The following HIBADH variants were observed in gnomAD, a reference collection of about 807,000 sequenced individuals.
HIBADH encodes 3-hydroxyisobutyrate dehydrogenase.
Under a neutral mutation model 36.1 loss-of-function variants are expected in HIBADH, and 25 were observed. The observed-to-expected ratio is 0.69, with a 90% CI of 0.50 to 0.97. The LOEUF (loss-of-function observed/expected upper bound fraction) is 0.97, where lower values mean the gene tolerates loss of function less well. Among genes scored for constraint, HIBADH ranks in the 50% least tolerant of loss-of-function variants. The probability of loss-of-function intolerance (pLI) is 0.00; values close to 1 mark genes in which losing one functional copy is unlikely to be tolerated. For synonymous variants in HIBADH, 160 were observed against 149.5 expected, an observed-to-expected ratio of 1.07 and a Z score of -0.51; for missense variants, 421 against 418.0, an observed-to-expected ratio of 1.01 and a Z score of -0.06.
chr7:27,638,614 G>A (rs1364757065), intron 2 of HIBADH, among the ~76,000 whole-genome samples: 1 of 152,126 alleles, frequency 6.6e-6, no homozygotes, highest in Non-Finnish European at 1.5e-5. Context: ...AAACTAAACA[G>A]CTTCTGCACA....
intron 5 of HIBADH, among the ~76,000 whole-genome samples, chr7:27,540,802 G>T (rs1160230191): frequency 6.6e-6 from 1 of 152,128 alleles, no homozygotes; most frequent in African/African-American, 2.4e-5. Flanking sequence ...ATTCTGGGTG[G>T]CCAGGGGTAC....
intron 4 of HIBADH, among the ~76,000 whole-genome samples, chr7:27,623,722 A>G (rs11763449): frequency 0.72 from 108,973 of 152,158 alleles, 39,154 homozygotes; most frequent in East Asian, 0.94. Context: ...AAAAACTACA[A>G]AACACTGATG....
intron 4 of HIBADH, among the ~76,000 whole-genome samples, chr7:27,554,049 G>A (rs1260527685): frequency 2.6e-5 from 4 of 152,050 alleles, no homozygotes; most frequent in Admixed American, 6.6e-5. Context: ...ACAGTGGTGC[G>A]ATCCCAGCTC....
chr7:27,606,137 A>T (rs1785223673), intron 4 of HIBADH, among the ~76,000 whole-genome samples: 1 of 152,168 alleles, frequency 6.6e-6, no homozygotes, highest in South Asian at 2.1e-4. Flanking sequence ...TATACCAAAG[A>T]TTTACTTTTT....
At position 27,604,471 on chromosome 7, in the gene HIBADH, T is replaced by C. The variant is rs1785185782; in HGVS notation, c.484+24900A>G. Among the ~76,000 whole-genome samples the C allele has an allele frequency of 3.3e-5, 5 of 151,952 alleles. No individual in the cohort carries two copies. The South Asian group carries it at 1.0e-3, about 32-fold the overall frequency. On this transcript the variant is annotated intron_variant, in intron 4 of 7. Transcript: ENST00000265395. ...TGGCTACATAGCTCACAAAAGACCC[T>C]GGTGAGAAATTCTAACACAACAAGC...
intron 4 of HIBADH, among the ~76,000 whole-genome samples, chr7:27,554,345 A>G (rs1488199135): frequency 1.3e-5 from 2 of 152,214 alleles, no homozygotes; most frequent in Non-Finnish European, 2.9e-5. Context: ...TGTAATCATT[A>G]TGTCCTTCTA....
At chr7:27,585,276 T>C (rs1784843989) in intron 4 of HIBADH, among the ~76,000 whole-genome samples, 1 of 151,054 alleles carries the variant, frequency 6.6e-6, no homozygotes, top group Non-Finnish European at 1.5e-5. Flanking sequence ...TGTATGTGTA[T>C]GTATATGCAC....
chr7:27,582,808 C>T (rs544068358), intron 4 of HIBADH, among the ~76,000 whole-genome samples: 34 of 152,212 alleles, frequency 2.2e-4, no homozygotes, highest in African/African-American at 7.9e-4. Context: ...AAAGCACAAA[C>T]CTTACAGTCA....
intron 2 of HIBADH, among the ~76,000 whole-genome samples, chr7:27,635,233 T>C (rs1785818842): frequency 6.6e-6 from 1 of 152,098 alleles, no homozygotes; most frequent in Non-Finnish European, 1.5e-5. Flanking sequence ...AATAATTGAC[T>C]GACAAAATCT....
intron 4 of HIBADH, among the ~76,000 whole-genome samples, chr7:27,618,384 G>A (rs1447644455): frequency 2.0e-5 from 3 of 152,222 alleles, no homozygotes; most frequent in Admixed American, 6.5e-5. Flanking sequence ...ACATGTCTGG[G>A]GCTGTTGGGG....
At chr7:27,534,710 C>A (rs1253895618) in intron 6 of HIBADH, among the ~76,000 whole-genome samples, 1 of 151,904 alleles carries the variant, frequency 6.6e-6, no homozygotes, top group Non-Finnish European at 1.5e-5. Flanking sequence ...AATAAACAGA[C>A]AAATAAATAT....
At chr7:27,628,315 T>C (rs1013987503) in intron 4 of HIBADH, among the ~76,000 whole-genome samples, 2 of 152,068 alleles carry the variant, frequency 1.3e-5, no homozygotes, top group African/African-American at 4.8e-5. Context: ...AAGTTCTTTA[T>C]AAAAAAATAC....
rs769378461 is a variant in HIBADH at position 27,629,511 on chromosome 7, A to G, written c.363-19T>C. On this transcript the variant is annotated intron_variant, in intron 3 of 7. Transcript: ENST00000265395. ...CACTTTTCTAAGTAAATAAATAAAA[A>G]TATTTGTAGTTTACAACTCTGAGTA... 6.6e-7 allele frequency: 1 copy of G among 1,523,320 alleles called. No homozygotes were observed. Among genetic ancestry groups the G allele is most frequent in the East Asian group, 2.3e-5 (1 of 43,230 alleles). 94.4% of individuals were successfully genotyped at this position (1,523,320 alleles called of 1,614,324 possible). A position where few individuals can be genotyped will look rare whatever the true frequency, so the allele number is the denominator to read the frequency against.
intron 1 of HIBADH, among the ~76,000 whole-genome samples, chr7:27,660,903 T>C (rs990091185): frequency 2.0e-5 from 3 of 152,134 alleles, no homozygotes; most frequent in Admixed American, 1.3e-4. Flanking sequence ...CACCATGAAT[T>C]GGTAAGAACT....
intron 4 of HIBADH, among the ~76,000 whole-genome samples, chr7:27,613,075 A>C (rs954733528): frequency 7.5e-6 from 1 of 133,510 alleles, no homozygotes. Flanking sequence ...TATATATTAC[A>C]TATAAAAATT....
chr7:27,644,165 T>A (rs563042983), intron 2 of HIBADH, among the ~76,000 whole-genome samples: 91 of 152,232 alleles, frequency 6.0e-4, no homozygotes, highest in African/African-American at 2.1e-3. Flanking sequence ...AATTTTAGAA[T>A]CTTTTCAAGA....
intron 1 of HIBADH, among the ~76,000 whole-genome samples, chr7:27,657,875 G>T (rs993515320): frequency 6.6e-6 from 1 of 152,110 alleles, no homozygotes; most frequent in Non-Finnish European, 1.5e-5. Flanking sequence ...TACTTCAGAA[G>T]ATTATTGTAA....
At chr7:27,613,547 C>T (rs895128391) in intron 4 of HIBADH, among the ~76,000 whole-genome samples, 2 of 151,810 alleles carry the variant, frequency 1.3e-5, no homozygotes, top group Non-Finnish European at 2.9e-5. Flanking sequence ...AAGAAATTTC[C>T]AGTTGATCTT....
intron 7 of HIBADH, among the ~76,000 whole-genome samples, chr7:27,529,389 A>G (rs1226369155): frequency 3.3e-5 from 5 of 152,232 alleles, no homozygotes; most frequent in Non-Finnish European, 7.3e-5. Flanking sequence ...GATGCCATTA[A>G]GAATATTTGT....
Sources: allele counts gnomAD v4.1 joint callset (sites outside exome capture counted in the v4.1 genomes callset), GRCh38; gene constraint gnomAD v4.1.1; transcripts MANE v1.5; gene names NCBI Gene and HGNC (gene_info 2026-07-23, HGNC 2026-07-21).